LMO2: variants seen among roughly 807,000 people sequenced by gnomAD.
LMO2 encodes the protein LIM domain only 2.
Under a neutral mutation model 23.2 loss-of-function variants are expected in LMO2, and 20 were observed. The ratio of observed to expected loss-of-function variants is 0.86; its 90% CI spans 0.61 to 1.25. The LOEUF is 1.25. Among genes scored for constraint, LMO2 ranks in the 50% most tolerant of loss-of-function variants. The pLI, the probability that LMO2 is intolerant of heterozygous loss-of-function variation, is 0.00. For synonymous variants in LMO2, 123 were observed against 130.2 expected (o/e 0.94, Z 0.38); for missense variants, 270 against 315.3 (o/e 0.86, Z 1.09).
intron 4 of LMO2, 94 bp downstream of exon 4, chr11:33,869,251 TG>T: frequency 1.1e-6 from 1 of 933,598 alleles, no homozygotes; most frequent in Non-Finnish European, 1.3e-6. Flanking sequence ...AGCGCGCACC[TG>T]GAGCCCCCTC....
At chr11:33,877,412 G>A (rs1446115618) in intron 2 of LMO2, among the ~76,000 whole-genome samples, 1 of 149,568 alleles carries the variant, frequency 6.7e-6, no homozygotes, top group Admixed American at 6.6e-5. Context: ...AGGGGAAGGT[G>A]ATTCTGACCT....
intron 2 of LMO2, among the ~76,000 whole-genome samples, chr11:33,876,450 TC>T (rs1346747742): frequency 6.6e-6 from 1 of 152,214 alleles, no homozygotes; most frequent in Non-Finnish European, 1.5e-5. Context: ...GCAGCACCAT[TC>T]CCCTTGGCCA....
At position 33,880,285 on chromosome 11, in the gene LMO2, C is replaced by CATACATACACATGAT. The variant is rs1461734584; in HGVS notation, c.-272+1538_-272+1539insATCATGTGTATGTAT. Reference sequence around the variant, plus strand: ...TATCATACATACACATGATATATATCATATATATCATATATATACATATCA... The same window carrying CATACATACACATGAT: ...TATCATACATACACATGATATATATCATACATACACATGATATATATATCATATATATACATATCA... On this transcript the variant is annotated intron_variant, in intron 2 of 5. Coordinates refer to ENST00000257818, the MANE Select transcript of LMO2 (RefSeq NM_005574.4). The surrounding 1 kb of genome is among the most constrained non-coding windows in gnomAD (Gnocchi z 4.3). Among the ~76,000 whole-genome samples, 1 of 53,582 alleles carries CATACATACACATGAT rather than the reference C, an allele frequency of 1.9e-5. No homozygotes were observed. The highest frequency in any genetic ancestry group is 7.8e-5 in the African/African-American group (1 of 12,862). The allele number at this position is 53,582 out of a possible 152,430, so 35.2% of individuals were successfully genotyped here.
At chr11:33,871,233 G>A (rs1857014573) in intron 2 of LMO2, 1 of 175,440 alleles carries the variant, frequency 5.7e-6, no homozygotes, top group African/African-American at 2.5e-5. Context: ...GTGTGTGTGT[G>A]TGTGTGTGTC....
At chr11:33,871,427 G>A (rs1197354001) in intron 2 of LMO2, among the ~76,000 whole-genome samples, 1 of 151,732 alleles carries the variant, frequency 6.6e-6, no homozygotes, top group Admixed American at 6.6e-5. Flanking sequence ...AATTAGCTGG[G>A]CGTGGTGGTG....
At position 33,864,875 on chromosome 11, in the gene LMO2, G is replaced by C; in HGVS notation, c.249-58C>G. 1 of 1,522,206 alleles carries C rather than the reference G, an allele frequency of 6.6e-7. No individual in the cohort carries two copies. The highest frequency in any genetic ancestry group is 9.1e-7 in the Non-Finnish European group (1 of 1,104,934). The allele number at this position is 1,522,206 out of a possible 1,614,324, so 94.3% of individuals were successfully genotyped here. A position where few individuals can be genotyped will look rare whatever the true frequency, so the allele number is the denominator to read the frequency against. ...CACCAGAGTGAGACCAGCACCGAGG[G>C]TCCGAGATCGTTTTGGGCCAGACAG... On this transcript the variant is annotated intron_variant, in intron 4 of 5. Transcript: ENST00000257818. This position sits in a 1 kb window ranked among gnomAD's most constrained non-coding sequence, Gnocchi z 4.8.
chr11:33,885,359 G>T (rs1176877091), intron 1 of LMO2, among the ~76,000 whole-genome samples: 1 of 152,204 alleles, frequency 6.6e-6, no homozygotes, highest in Non-Finnish European at 1.5e-5. Flanking sequence ...ATGAGCCGGG[G>T]ACCAGACTGG....
chr11:33,880,182 T>TATATATATATATCATATATACACATG lies in LMO2; in HGVS notation c.-272+1641_-272+1642insCATGTGTATATATGATATATATATAT, dbSNP rs1857233633. Among the ~76,000 whole-genome samples, 1 of 148,498 alleles carries TATATATATATATCATATATACACATG rather than the reference T, an allele frequency of 6.7e-6. No individual in the cohort carries two copies. The highest frequency in any genetic ancestry group is 2.5e-5 in the African/African-American group (1 of 40,658). On this transcript the variant is annotated intron_variant, in intron 2 of 5. Coordinates refer to ENST00000257818, the MANE Select transcript of LMO2 (RefSeq NM_005574.4). This position sits in a 1 kb window ranked among gnomAD's most constrained non-coding sequence, Gnocchi z 4.3. ...ATATACATATGATATATACACATGA[T>TATATATATATATCATATATACACATG]ATATATATCATATATACACATGATA...
At chr11:33,867,938 C>CA (rs2133695569) in intron 4 of LMO2, among the ~76,000 whole-genome samples, 1 of 152,332 alleles carries the variant, frequency 6.6e-6, no homozygotes, top group Admixed American at 6.5e-5. Context: ...CTCTGAAACT[C>CA]AGAGCTCAGT....
At chr11:33,862,168 A>G (rs185202834) in intron 5 of LMO2, among the ~76,000 whole-genome samples, 1 of 152,194 alleles carries the variant, frequency 6.6e-6, no homozygotes, top group Non-Finnish European at 1.5e-5. Flanking sequence ...AAGGGGAGGA[A>G]GCCAAGCCAA....
rs752476677 is a variant in LMO2 at position 33,859,558 on chromosome 11, C to T, written c.482G>A (p.Gly161Asp). The T allele has an allele frequency of 6.2e-7, 1 of 1,613,970 alleles. No homozygotes were observed. The highest frequency in any genetic ancestry group is 8.5e-7 in the Non-Finnish European group (1 of 1,180,014). The stretch of plus-strand genomic sequence containing the variant: ...CCGCTTGTCACAGGATGCGCAGAGA[C>T]CGTCTTGCCCAAAAAGCCTGGGGCA... ...RDYLRLFGQD[G>D]LCASCDKRIR... The change falls in exon 6 of 6, where the codon GGT (glycine) becomes GAT (aspartate). Residue 161 changes from glycine to aspartate, a missense_variant. By Grantham distance (94) the Gly-to-Asp change is moderately conservative. Coordinates refer to ENST00000257818, the MANE Select transcript of LMO2 (RefSeq NM_005574.4).
chr11:33,864,108 T>C lies in LMO2; in HGVS notation c.464+494A>G, dbSNP rs2133689839. On this transcript the variant is annotated intron_variant, in intron 5 of 5. Coordinates refer to ENST00000257818, the MANE Select transcript of LMO2 (RefSeq NM_005574.4). The surrounding 1 kb of genome is among the most constrained non-coding windows in gnomAD (Gnocchi z 4.8). ...AGACTGCCTTCCTGCTATGAGTCAA[T>C]GCTTGGAGCTCCATATGCTTTCTAT... is the stretch of plus-strand genomic sequence containing the variant. Among the ~76,000 whole-genome samples, 1 of 152,360 alleles carries C rather than the reference T, an allele frequency of 6.6e-6. No homozygotes were observed. Among genetic ancestry groups the C allele is most frequent in the Admixed American group, 6.5e-5 (1 of 15,312 alleles).
At position 33,864,625 on chromosome 11, in the gene LMO2, C is replaced by T; in HGVS notation, c.441G>A (p.Lys147=). The T allele has an allele frequency of 6.2e-7, 1 of 1,613,826 alleles. No individual in the cohort carries two copies. The highest frequency in any genetic ancestry group is 8.5e-7 in the Non-Finnish European group (1 of 1,179,980). ...ACCTGAGATAGTCTCTCCGGCAGAG[C>T]TTCCGGCCCAGTTTGTAGTAGAGGC... The part of the protein sequence containing the change: ...GRRLYYKLGR[K]LCRRDYLRLF... Residue 147 remains lysine (K), a synonymous_variant, in exon 5 of 6, where the codon AAG becomes AAA. Transcript: ENST00000257818. This position sits in a 1 kb window ranked among gnomAD's most constrained non-coding sequence, Gnocchi z 4.8.
In LMO2 at chr11:33,858,824, T is replaced by G; in HGVS notation, c.*532A>C. On this transcript the variant is annotated 3_prime_UTR_variant, in exon 6 of 6. Transcript: ENST00000257818. ...CATTCTCAACCGAAATGCGTCTCCATGCAGTTTTCCTTGGGTCCAAAGCTT... is the reference window on the plus strand; with the variant it reads ...CATTCTCAACCGAAATGCGTCTCCAGGCAGTTTTCCTTGGGTCCAAAGCTT... 1 of 228,056 alleles carries G rather than the reference T, an allele frequency of 4.4e-6. No individual in the cohort carries two copies. Among genetic ancestry groups the G allele is most frequent in the Non-Finnish European group, 8.7e-6 (1 of 114,998 alleles). 14.1% of individuals were successfully genotyped at this position (228,056 alleles called of 1,614,324 possible).
intron 4 of LMO2, among the ~76,000 whole-genome samples, chr11:33,866,821 A>AT (rs1478638327): frequency 6.6e-6 from 1 of 152,056 alleles, no homozygotes; most frequent in Non-Finnish European, 1.5e-5. Flanking sequence ...AATTTTTTTT[A>AT]TTTTAAGTAG....
At chr11:33,875,127 G>A (rs1466299956) in intron 2 of LMO2, among the ~76,000 whole-genome samples, 1 of 152,240 alleles carries the variant, frequency 6.6e-6, no homozygotes, top group Non-Finnish European at 1.5e-5. Context: ...CTGCATTTGA[G>A]CTTCCACATC....
At chr11:33,891,346 A>AACACAC (rs57617009) in intron 1 of LMO2, among the ~76,000 whole-genome samples, 6,264 of 124,874 alleles carry the variant, frequency 0.05, 159 homozygotes, top group Middle Eastern at 0.081. Context: ...TTGTTAGGCA[A>AACACAC]ACACACACAC....
rs908027016 is a variant in LMO2 at position 33,861,048 on chromosome 11, A to G, written c.465-1473T>C. 4.6e-5 allele frequency among the ~76,000 whole-genome samples: 7 copies of G among 152,218 alleles called. No individual in the cohort carries two copies. The East Asian group carries it at 5.8e-4, about 13-fold the overall frequency. On this transcript the variant is annotated intron_variant, in intron 5 of 5. Coordinates refer to ENST00000257818, the MANE Select transcript of LMO2 (RefSeq NM_005574.4). ...TCTGAGCCTCAGTGAAATGGCAGCC[A>G]TCATAGGCTCCACCTCACTCAGCTG...
At chr11:33,861,570 G>A (rs1565021640) in intron 5 of LMO2, among the ~76,000 whole-genome samples, 1 of 152,206 alleles carries the variant, frequency 6.6e-6, no homozygotes, top group East Asian at 1.9e-4. Flanking sequence ...AGATGGTGGA[G>A]CTGCAGGTAA....
Sources: gnomAD v4.1 joint callset for allele counts (sites outside exome capture counted in the v4.1 genomes callset) on GRCh38, gnomAD v4.1.1 for gene constraint, Gnocchi (gnomAD v3.1) non-coding constraint, MANE v1.5 for transcripts, NCBI Gene and HGNC (gene_info 2026-07-23, HGNC 2026-07-21) for gene names.